SOX6: variants seen among roughly 807,000 people sequenced by gnomAD.
SOX6 encodes SRY-box transcription factor 6.
Under a neutral mutation model 97.8 loss-of-function variants are expected in SOX6, and 11 were observed. The observed-to-expected ratio is 0.11, with a 90% CI of 0.07 to 0.19. The LOEUF is 0.19. Among genes scored for constraint, SOX6 ranks in the 10% least tolerant of loss-of-function variants. SOX6 has a pLI of 1.00. For synonymous variants in SOX6, 360 were observed against 371.4 expected, an observed-to-expected ratio of 0.97 and a Z score of 0.35; for missense variants, 810 against 1,039.5, an observed-to-expected ratio of 0.78 and a Z score of 3.04.
chr11:16,497,009 C>G (rs190156161), intron 4 of SOX6, among the ~76,000 whole-genome samples: 1 of 152,314 alleles, frequency 6.6e-6, no homozygotes, highest in Admixed American at 6.5e-5. Flanking sequence ...TGAGAACGGA[C>G]AGACTGCCTC....
chr11:16,684,333 A>G (rs1218357123), intron 3 of SOX6, among the ~76,000 whole-genome samples: 1 of 152,232 alleles, frequency 6.6e-6, no homozygotes, highest in African/African-American at 2.4e-5. Flanking sequence ...AACCAGCCCA[A>G]ATGTCCATCA....
chr11:16,464,976 G>A (rs934932594), intron 1 of SOX6, among the ~76,000 whole-genome samples: 1 of 152,174 alleles, frequency 6.6e-6, no homozygotes, highest in Non-Finnish European at 1.5e-5. Context: ...AATCCATTTT[G>A]TGATTCTACA....
At chr11:16,549,627 C>A (rs1351233834) in intron 4 of SOX6, among the ~76,000 whole-genome samples, 1 of 152,074 alleles carries the variant, frequency 6.6e-6, no homozygotes, top group African/African-American at 2.4e-5. Flanking sequence ...AAACATATGT[C>A]CACACAAAGA....
chr11:16,160,033 C>T (rs1290516536), intron 6 of SOX6, among the ~76,000 whole-genome samples: 1 of 152,058 alleles, frequency 6.6e-6, no homozygotes, highest in East Asian at 1.9e-4. Flanking sequence ...GATAAAATTG[C>T]CTTAGCATAA....
chr11:16,191,729 A>G (rs1851635899), intron 4 of SOX6, among the ~76,000 whole-genome samples: 1 of 152,230 alleles, frequency 6.6e-6, no homozygotes, highest in African/African-American at 2.4e-5. Context: ...ACACTTCTGT[A>G]CACAGCTTCT....
At chr11:16,269,615 T>C (rs1475848995) in intron 3 of SOX6, among the ~76,000 whole-genome samples, 2 of 151,072 alleles carry the variant, frequency 1.3e-5, no homozygotes, top group African/African-American at 4.8e-5. Flanking sequence ...CTGTGTCTTT[T>C]AGGATTATTT....
intron 1 of SOX6, among the ~76,000 whole-genome samples, chr11:16,424,365 A>G (rs566386672): frequency 6.6e-6 from 1 of 152,350 alleles, no homozygotes; most frequent in Admixed American, 6.5e-5. Context: ...CTGACTCTCT[A>G]CAAACTTGCA....
At chr11:16,517,167 TG>T (rs1450657113) in intron 4 of SOX6, among the ~76,000 whole-genome samples, 1 of 152,114 alleles carries the variant, frequency 6.6e-6, no homozygotes, top group East Asian at 1.9e-4. Flanking sequence ...TAGCTATTGA[TG>T]GGATGTATTT....
At chr11:16,522,308 A>C (rs545004301) in intron 4 of SOX6, among the ~76,000 whole-genome samples, 1 of 152,292 alleles carries the variant, frequency 6.6e-6, no homozygotes, top group Non-Finnish European at 1.5e-5. Context: ...AACCCAGAAG[A>C]CAGTGGGGGC....
intron 2 of SOX6, among the ~76,000 whole-genome samples, chr11:16,716,630 AC>A (rs1383594008): frequency 2.6e-5 from 4 of 152,190 alleles, no homozygotes; most frequent in Non-Finnish European, 5.9e-5. Context: ...TAAAAAATAT[AC>A]AAAAATGTTC....
intron 2 of SOX6, among the ~76,000 whole-genome samples, chr11:16,735,923 G>A (rs1365170541): frequency 6.6e-6 from 1 of 151,904 alleles, no homozygotes; most frequent in East Asian, 1.9e-4. Flanking sequence ...GGTCAATCAT[G>A]ACTATCCCTG....
intron 3 of SOX6, among the ~76,000 whole-genome samples, chr11:16,671,840 C>T (rs150374140): frequency 3.1e-3 from 472 of 152,288 alleles, no homozygotes; most frequent in Non-Finnish European, 5.1e-3. Context: ...CCTCAAGACA[C>T]ACAGCCATCA....
chr11:16,317,436 G>C (rs1275003842), intron 3 of SOX6: 1 of 151,784 alleles, frequency 6.6e-6, no homozygotes, highest in South Asian at 2.1e-4. Context: ...TTTACCCAGG[G>C]TGACATAATT....
chr11:16,330,030 T>C (rs297344), intron 2 of SOX6, among the ~76,000 whole-genome samples: 67,254 of 152,030 alleles, frequency 0.44, 15,179 homozygotes, highest in East Asian at 0.48. Context: ...AAACACAGTT[T>C]GGCCAGTCTG....
chr11:16,533,835 T>C (rs1402593365), intron 4 of SOX6, among the ~76,000 whole-genome samples: 1 of 152,080 alleles, frequency 6.6e-6, no homozygotes, highest in Non-Finnish European at 1.5e-5. Flanking sequence ...ACCAATAAGA[T>C]ATCAAGTAAA....
At chr11:16,039,773 T>G (rs1855609838) in intron 12 of SOX6, among the ~76,000 whole-genome samples, 1 of 152,118 alleles carries the variant, frequency 6.6e-6, no homozygotes, top group East Asian at 1.9e-4. Context: ...ATTGTTATCT[T>G]AAATATTTTT....
At chr11:16,658,109 T>C (rs1366597907) in intron 3 of SOX6, among the ~76,000 whole-genome samples, 1 of 152,208 alleles carries the variant, frequency 6.6e-6, no homozygotes, top group East Asian at 1.9e-4. Context: ...ATGTACTTTC[T>C]CATCAGCAAT....
intron 2 of SOX6, among the ~76,000 whole-genome samples, chr11:16,322,082 TAA>T (rs2134308631): frequency 6.6e-6 from 1 of 152,198 alleles, no homozygotes; most frequent in South Asian, 2.1e-4. Context: ...TAAATTTTAT[TAA>T]GAAAAAAAGC....
intron 9 of SOX6, among the ~76,000 whole-genome samples, chr11:16,080,813 G>A (rs1848456899): frequency 6.6e-6 from 1 of 152,088 alleles, no homozygotes; most frequent in South Asian, 2.1e-4. Context: ...TTGGACAGAG[G>A]AACAGTTAGG....
Sources: allele counts gnomAD v4.1 joint callset (sites outside exome capture counted in the v4.1 genomes callset), GRCh38; gene constraint gnomAD v4.1.1; transcripts MANE v1.5; gene names NCBI Gene and HGNC (gene_info 2026-07-23, HGNC 2026-07-21).